The following ITPR2 variants were observed in gnomAD, a reference collection of about 807,000 sequenced individuals.
The protein encoded by ITPR2 is inositol 1,4,5-trisphosphate receptor type 2, also known as inositol 1,4,5-trisphosphate-gated calcium channel ITPR2.
Under a neutral mutation model 317.1 loss-of-function variants are expected in ITPR2, and 207 were observed. The ratio of observed to expected loss-of-function variants is 0.65; its 90% CI spans 0.58 to 0.73. The LOEUF (loss-of-function observed/expected upper bound fraction) is 0.73. ITPR2 is among the 30% of genes least tolerant of loss of function. ITPR2 has a pLI of 0.00. For synonymous variants in ITPR2, 1,156 were observed against 1,149.1 expected (o/e 1.01, Z -0.12); for missense variants, 2,613 against 3,284.0 (o/e 0.80, Z 4.99).
At chr12:26,824,493 ACTGT>A (rs1464812768) in intron 1 of ITPR2, among the ~76,000 whole-genome samples, 4 of 152,174 alleles carry the variant, frequency 2.6e-5, no homozygotes, top group Admixed American at 2.0e-4. Flanking sequence ...TAATTATATG[ACTGT>A]CTATTTCAGT....
At chr12:26,725,802 G>A (rs754911533) in intron 2 of ITPR2, 37 bp from the exon 3 acceptor site, 2 of 1,322,684 alleles carry the variant, frequency 1.5e-6, no homozygotes, top group Non-Finnish European at 2.2e-6. Flanking sequence ...CTGTAACTAA[G>A]GCTACTAGCA....
chr12:26,520,671 T>C (rs1159904197), intron 37 of ITPR2, among the ~76,000 whole-genome samples: 1 of 152,228 alleles, frequency 6.6e-6, no homozygotes, highest in Non-Finnish European at 1.5e-5. Context: ...AGTGTCTTTC[T>C]TTTCATCTTT....
rs1186398996 is a variant in ITPR2 at position 26,653,747 on chromosome 12, A to G, written c.2740+229T>C. ...TGGCTTGGCTATAATGTTAGTTGCT[A>G]AAGATGGAATCTGACCTTATGAATT... On this transcript the variant is annotated intron_variant, in intron 21 of 56. Coordinates refer to ENST00000381340, the MANE Select transcript of ITPR2 (RefSeq NM_002223.4). Among the ~76,000 whole-genome samples, 7 of 152,234 alleles carry G rather than the reference A, an allele frequency of 4.6e-5. 1 individual carries two copies. The highest frequency in any genetic ancestry group is 1.7e-4 in the African/African-American group (7 of 41,468).
intron 55 of ITPR2, among the ~76,000 whole-genome samples, chr12:26,363,446 C>T (rs1338200604): frequency 6.6e-6 from 1 of 152,162 alleles, no homozygotes; most frequent in Non-Finnish European, 1.5e-5. Flanking sequence ...AAACCATTCC[C>T]ACCTCCACCC....
intron 37 of ITPR2, among the ~76,000 whole-genome samples, chr12:26,532,062 T>C (rs1943959722): frequency 6.6e-6 from 1 of 152,212 alleles, no homozygotes; most frequent in Non-Finnish European, 1.5e-5. Context: ...TGAAAGGATA[T>C]TTACAAAAGT....
chr12:26,646,023 G>A (rs756169849), intron 21 of ITPR2, among the ~76,000 whole-genome samples: 1 of 134,018 alleles, frequency 7.5e-6, no homozygotes, highest in Non-Finnish European at 1.5e-5. Flanking sequence ...CAGTGGACTA[G>A]GGCTTCTGGT....
intron 1 of ITPR2, among the ~76,000 whole-genome samples, chr12:26,802,609 A>ATATATC (rs1319304116): frequency 2.0e-4 from 2 of 10,134 alleles, no homozygotes; most frequent in East Asian, 6.7e-3. Context: ...ATAGATATAG[A>ATATATC]TATATATAGA....
chr12:26,512,889 T>C (rs1168607422), intron 37 of ITPR2, among the ~76,000 whole-genome samples: 1 of 151,292 alleles, frequency 6.6e-6, no homozygotes, highest in Non-Finnish European at 1.5e-5. Flanking sequence ...GTGGCGCGAT[T>C]TCGGCTCACC....
intron 55 of ITPR2, among the ~76,000 whole-genome samples, chr12:26,348,374 T>C (rs1315942164): frequency 6.6e-6 from 1 of 152,230 alleles, no homozygotes; most frequent in Non-Finnish European, 1.5e-5. Context: ...CCAGCACCTC[T>C]GCTCGATTTC....
At chr12:26,659,359 C>T (rs960872022) in intron 15 of ITPR2, 74 bp from the exon 16 acceptor site, 18 of 1,262,816 alleles carry the variant, frequency 1.4e-5, no homozygotes, top group Non-Finnish European at 1.8e-5. Flanking sequence ...GGGTCAACAA[C>T]ATTGATTAAT....
rs1388425121 is a variant in ITPR2 at position 26,375,034 on chromosome 12, TAGAC to T, written c.7857+12396_7857+12399del. 2.0e-5 allele frequency among the ~76,000 whole-genome samples: 3 copies of T among 152,224 alleles called. No individual in the cohort carries two copies. The East Asian group carries it at 5.8e-4, about 29-fold the overall frequency. ...GCTATGCTAGCCTATTAAAAACCAT[TAGAC>T]AGAATTCGTGTGGCTTTACAGTATA... On this transcript the variant is annotated intron_variant, in intron 55 of 56. Coordinates refer to ENST00000381340, the MANE Select transcript of ITPR2 (RefSeq NM_002223.4).
At chr12:26,593,405 A>G (rs61920334) in intron 32 of ITPR2, among the ~76,000 whole-genome samples, 33,618 of 152,066 alleles carry the variant, frequency 0.22, 3,898 homozygotes, top group Middle Eastern at 0.3. Context: ...TAGTTTTATA[A>G]CTTGAATTTG....
intron 34 of ITPR2, among the ~76,000 whole-genome samples, chr12:26,565,905 A>G (rs1183459051): frequency 1.7e-4 from 3 of 17,780 alleles, no homozygotes; most frequent in African/African-American, 4.7e-4. Flanking sequence ...AGGAGAGGGG[A>G]GGGGAGGAGA....
At position 26,617,564 on chromosome 12, in the gene ITPR2, A is replaced by G. The variant is rs542310031; in HGVS notation, c.3462+3559T>C. Reference sequence around the variant, plus strand: ...ATTTTATGGGACTAGTGTAACCTCAATACTACTGCTTGATAGGAACAGTGA... The same window carrying G: ...ATTTTATGGGACTAGTGTAACCTCAGTACTACTGCTTGATAGGAACAGTGA... On this transcript the variant is annotated intron_variant, in intron 26 of 56. Transcript: ENST00000381340. 7.2e-5 allele frequency among the ~76,000 whole-genome samples: 11 copies of G among 151,744 alleles called. No individual in the cohort carries two copies. In the East Asian group the frequency reaches 1.2e-3, roughly 16 times the overall value.
chr12:26,827,024 C>T (rs927932644), intron 1 of ITPR2, among the ~76,000 whole-genome samples: 1 of 152,188 alleles, frequency 6.6e-6, no homozygotes, highest in African/African-American at 2.4e-5. Context: ...ACAATCAACA[C>T]TACATTTGAA....
intron 31 of ITPR2, 131 bp downstream of exon 31, chr12:26,596,752 G>T: frequency 3.1e-6 from 2 of 650,102 alleles, no homozygotes; most frequent in South Asian, 4.5e-5. Flanking sequence ...AAATTATATA[G>T]TTAAATACAA....
intron 21 of ITPR2, among the ~76,000 whole-genome samples, chr12:26,649,729 T>A (rs1170082495): frequency 6.6e-6 from 1 of 152,124 alleles, no homozygotes; most frequent in Admixed American, 6.5e-5. Flanking sequence ...TTGACCTACT[T>A]TATTTTTCTT....
At chr12:26,825,116 C>T (rs940482599) in intron 1 of ITPR2, among the ~76,000 whole-genome samples, 1 of 152,040 alleles carries the variant, frequency 6.6e-6, no homozygotes, top group Non-Finnish European at 1.5e-5. Context: ...ACCTGCAGTC[C>T]CAGCTACTCC....
intron 1 of ITPR2, among the ~76,000 whole-genome samples, chr12:26,805,015 G>A (rs535628184): frequency 4.6e-5 from 7 of 152,264 alleles, no homozygotes; most frequent in Admixed American, 6.5e-5. Flanking sequence ...GAATGCAGGC[G>A]TGAACCACCG....
Sources: allele counts gnomAD v4.1 joint callset (sites outside exome capture counted in the v4.1 genomes callset), GRCh38; gene constraint gnomAD v4.1.1; transcripts MANE v1.5; gene names NCBI Gene and HGNC (gene_info 2026-07-23, HGNC 2026-07-21).